GNPAT: variants seen among roughly 807,000 people sequenced by gnomAD.
GNPAT encodes glyceronephosphate O-acyltransferase, also known as dihydroxyacetone phosphate acyltransferase.
A neutral mutation model predicts 78.4 loss-of-function variants in GNPAT; 30 were observed. The ratio of observed to expected loss-of-function variants is 0.38; its 90% CI spans 0.29 to 0.52. The LOEUF is 0.52. GNPAT is among the 20% of genes least tolerant of loss of function. The probability of loss-of-function intolerance (pLI) is 0.84; values close to 1 mark genes in which losing one functional copy is unlikely to be tolerated. For missense variants in GNPAT, 714 were observed against 812.2 expected (o/e 0.88, Z 1.47); for synonymous variants, 271 against 281.1 (o/e 0.96, Z 0.36).
At chr1:231,272,521 G>A in intron 11 of GNPAT, 130 bp downstream of exon 11, 1 of 675,772 alleles carries the variant, frequency 1.5e-6, no homozygotes, top group South Asian at 1.4e-5. Flanking sequence ...CAGACTTCAA[G>A]AGAAACTGGG....
chr1:231,243,885 C>CAT (rs889609193), intron 1 of GNPAT, among the ~76,000 whole-genome samples: 17 of 151,806 alleles, frequency 1.1e-4, no homozygotes, highest in East Asian at 9.7e-4. Flanking sequence ...TGTGTATACA[C>CAT]ATATATATAT....
At position 231,251,803 on chromosome 1, in the gene GNPAT, C is replaced by A. The variant is rs115366352; in HGVS notation, c.261+660C>A. On this transcript the variant is annotated intron_variant, in intron 2 of 15. Transcript: ENST00000366647. ...TTTCTCTGGTAGGAGATAGGTTGAG[C>A]CTATTCCATTAAGTGCATTCAAGTT... Among the ~76,000 whole-genome samples, 1,175 of 152,240 alleles carry A rather than the reference C, an allele frequency of 7.7e-3. 20 individuals are homozygous for A. Among genetic ancestry groups the A allele is most frequent in the African/African-American group, 0.027 (1,110 of 41,524 alleles).
At chr1:231,252,524 G>A (rs1161388856) in intron 2 of GNPAT, among the ~76,000 whole-genome samples, 1 of 152,170 alleles carries the variant, frequency 6.6e-6, no homozygotes, top group Non-Finnish European at 1.5e-5. Flanking sequence ...TGCATTGCAG[G>A]TGTTGCTAGC....
At position 231,266,045 on chromosome 1, in the gene GNPAT, T is replaced by TA; in HGVS notation, c.808dup (p.Arg270LysfsTer5). 1 of 1,612,988 alleles carries TA rather than the reference T, an allele frequency of 6.2e-7. No individual in the cohort carries two copies. The highest frequency in any genetic ancestry group is 8.5e-7 in the Non-Finnish European group (1 of 1,179,232). ...TGAATATTGTGATGGAGCCATTTTT[T>TA]AAAAGAGAAGTTTTTGATACCTACC... On this transcript the variant is annotated frameshift_variant, in exon 7 of 16. Coordinates refer to ENST00000366647, the MANE Select transcript of GNPAT (RefSeq NM_014236.4). LOFTEE classifies it high-confidence loss of function.
chr1:231,268,506 G>C (rs568550822), intron 9 of GNPAT, among the ~76,000 whole-genome samples: 1 of 151,980 alleles, frequency 6.6e-6, no homozygotes, highest in African/African-American at 2.4e-5. Context: ...CAGGCATGGT[G>C]GTACACACCT....
At chr1:231,271,916 C>T (rs1571956598) in intron 10 of GNPAT, among the ~76,000 whole-genome samples, 1 of 152,178 alleles carries the variant, frequency 6.6e-6, no homozygotes, top group African/African-American at 2.4e-5. Context: ...GCCTGACCAA[C>T]ATGGTGAAAC....
chr1:231,267,132 C>A (rs929509003), intron 8 of GNPAT, among the ~76,000 whole-genome samples: 2 of 152,206 alleles, frequency 1.3e-5, no homozygotes, highest in African/African-American at 4.8e-5. Flanking sequence ...CTGGCTGCAT[C>A]TTTCACATTA....
At position 231,267,708 on chromosome 1, in the gene GNPAT, A is replaced by T. The variant is rs773568452; in HGVS notation, c.1084A>T (p.Met362Leu). The T allele has an allele frequency of 1.2e-6, 2 of 1,604,046 alleles. No individual in the cohort carries two copies. Among genetic ancestry groups the T allele is most frequent in the Non-Finnish European group, 8.5e-7 (1 of 1,170,830 alleles). The change falls in exon 9 of 16, where the codon ATG becomes TTG. Residue 362 changes from methionine to leucine, a missense_variant. Transcript: ENST00000366647. ...CATTCCTCAGAAACAGTCTGAGGAC[A>T]TGCATGCCTTTGTCACTGAAGTTGC... Reference protein sequence around the residue: ...RYIPQKQSEDMHAFVTEVAYK... With the variant: ...RYIPQKQSEDLHAFVTEVAYK...
intron 4 of GNPAT, among the ~76,000 whole-genome samples, chr1:231,263,523 A>G (rs1245462432): frequency 1.3e-5 from 2 of 152,168 alleles, no homozygotes; most frequent in Admixed American, 6.5e-5. Flanking sequence ...ATGTTGCAGC[A>G]TGTGTCAGAA....
intron 1 of GNPAT, among the ~76,000 whole-genome samples, chr1:231,246,521 C>A (rs1684754144): frequency 2.6e-5 from 4 of 152,200 alleles, no homozygotes; most frequent in Admixed American, 2.6e-4. Context: ...AGGCCTATTT[C>A]ACTAGCAGTA....
chr1:231,245,156 T>G (rs1023680910), intron 1 of GNPAT, among the ~76,000 whole-genome samples: 1 of 152,232 alleles, frequency 6.6e-6, no homozygotes, highest in Admixed American at 6.5e-5. Flanking sequence ...CCACAACCAT[T>G]GAATCTAAAA....
intron 15 of GNPAT, among the ~76,000 whole-genome samples, chr1:231,276,564 G>C (rs778031024): frequency 6.6e-6 from 1 of 152,214 alleles, no homozygotes; most frequent in Non-Finnish European, 1.5e-5. Context: ...TCCCAAGTGA[G>C]AGATTAGTGT....
Position 231,275,234 on chromosome 1 carries a change from AC to A in GNPAT, c.1759del (p.Leu587PhefsTer2). 6.2e-7 allele frequency: 1 copy of A among 1,602,320 alleles called. No homozygotes were observed. The highest frequency in any genetic ancestry group is 8.6e-7 in the Non-Finnish European group (1 of 1,169,158). On this transcript the variant is annotated frameshift_variant, in exon 13 of 16. Coordinates refer to ENST00000366647, the MANE Select transcript of GNPAT (RefSeq NM_014236.4). LOFTEE classifies it high-confidence loss of function. ...TCTTAAAATCAGATAATTTGCAAGTACCTTTTGAGTGAAGAAGAGGACCACT... is the reference window on the plus strand; with the variant it reads ...TCTTAAAATCAGATAATTTGCAAGTACTTTTGAGTGAAGAAGAGGACCACT... ...FVESYQIICK[Y>X]LLSEEEDHFS...
At chr1:231,275,651 G>A (rs1571960519) in intron 14 of GNPAT, among the ~76,000 whole-genome samples, 153 bp downstream of exon 14, 1 of 152,200 alleles carries the variant, frequency 6.6e-6, no homozygotes, top group Non-Finnish European at 1.5e-5. Flanking sequence ...GTCAGTGTGA[G>A]TTATCCTGAA....
Position 231,241,437 on chromosome 1 carries a change from C to T in GNPAT, c.59C>T (p.Ala20Val). The change falls in exon 1 of 16, where the codon GCT (alanine) becomes GTT (valine). Residue 20 changes from alanine (A) to valine (V), a missense_variant. Transcript: ENST00000366647. ...TCCGTTGGCCCAACCAGTCCCAGCG[C>T]TGTCGTGCTCCTCTACTCGGTAGGC... ...YFSVGPTSPS[A>V]VVLLYSKELK... 3 of 1,613,072 alleles carry T rather than the reference C, an allele frequency of 1.9e-6. No homozygotes were observed. The highest frequency in any genetic ancestry group is 2.5e-6 in the Non-Finnish European group (3 of 1,179,066).
chr1:231,245,934 A>C (rs971176755), intron 1 of GNPAT, among the ~76,000 whole-genome samples: 11 of 152,050 alleles, frequency 7.2e-5, no homozygotes, highest in African/African-American at 2.7e-4. Flanking sequence ...GCGCCATTGC[A>C]CTCCAGCCTG....
intron 2 of GNPAT, among the ~76,000 whole-genome samples, chr1:231,255,393 T>G (rs899603871): frequency 2.0e-5 from 3 of 152,080 alleles, no homozygotes; most frequent in African/African-American, 4.8e-5. Context: ...TTCTTCCCCC[T>G]CGTCTACCTC....
intron 15 of GNPAT, among the ~76,000 whole-genome samples, chr1:231,276,464 G>A (rs1405459512): frequency 1.3e-5 from 2 of 152,190 alleles, no homozygotes; most frequent in African/African-American, 2.4e-5. Flanking sequence ...TCAGCCAGAG[G>A]CCCAGACCCT....
At chr1:231,248,913 C>G (rs969183626) in intron 1 of GNPAT, among the ~76,000 whole-genome samples, 2 of 152,132 alleles carry the variant, frequency 1.3e-5, no homozygotes, top group Non-Finnish European at 2.9e-5. Flanking sequence ...GTAGGCTATA[C>G]CATCTGAGTT....
Sources: gnomAD v4.1 joint callset for allele counts (sites outside exome capture counted in the v4.1 genomes callset) on GRCh38, gnomAD v4.1.1 for gene constraint, MANE v1.5 for transcripts, NCBI Gene and HGNC (gene_info 2026-07-23, HGNC 2026-07-21) for gene names.